Variants in RBPMS observed in about 807,000 individuals in gnomAD.
RBPMS encodes RNA binding protein, mRNA processing factor.
RBPMS carries 7 observed loss-of-function variants against 26.8 expected under a neutral mutation model. The observed-to-expected ratio is 0.26, with a 90% confidence interval of 0.15 to 0.49. The LOEUF (loss-of-function observed/expected upper bound fraction) is 0.49. Ranked by LOEUF, RBPMS falls within the 20% of genes least tolerant of loss-of-function variation. The probability of loss-of-function intolerance (pLI) is 0.98; values close to 1 mark genes in which losing one functional copy is unlikely to be tolerated. For synonymous variants in RBPMS, 96 were observed against 93.3 expected, an observed-to-expected ratio of 1.03 and a Z score of -0.17; for missense variants, 186 against 250.0, an observed-to-expected ratio of 0.74 and a Z score of 1.73.
At chr8:30,560,229 C>T (rs946065820) in intron 7 of RBPMS, among the ~76,000 whole-genome samples, 1 of 152,152 alleles carries the variant, frequency 6.6e-6, no homozygotes, top group African/African-American at 2.4e-5. Context: ...CCTTCAAGAT[C>T]TGGGAGGACT....
At chr8:30,447,054 C>G (rs1208881974) in intron 1 of RBPMS, 1 of 151,916 alleles carries the variant, frequency 6.6e-6, no homozygotes, top group Non-Finnish European at 1.5e-5. Flanking sequence ...TGTTGCATAC[C>G]AAAGGAATGT....
intron 1 of RBPMS, among the ~76,000 whole-genome samples, chr8:30,439,663 GTTTTT>G (rs1302320919): frequency 6.7e-6 from 1 of 149,790 alleles, no homozygotes; most frequent in East Asian, 1.9e-4. Context: ...CTTTTGTTTT[GTTTTT>G]GTTTTGAGAA....
At chr8:30,482,490 C>T (rs569679415) in intron 4 of RBPMS, among the ~76,000 whole-genome samples, 6 of 152,200 alleles carry the variant, frequency 3.9e-5, no homozygotes, top group Admixed American at 3.9e-4. Context: ...AGTCTTTTCT[C>T]AAAATGACTA....
At chr8:30,479,509 A>T in intron 4 of RBPMS, 132 bp downstream of exon 4, 1 of 732,804 alleles carries the variant, frequency 1.4e-6, no homozygotes, top group Non-Finnish European at 2.4e-6. Flanking sequence ...CATCAATTTA[A>T]TTAGCACTCT....
chr8:30,420,290 G>A (rs1265999837), intron 1 of RBPMS, among the ~76,000 whole-genome samples: 1 of 151,618 alleles, frequency 6.6e-6, no homozygotes, highest in African/African-American at 2.4e-5. Flanking sequence ...TCTGTGGATA[G>A]ATATTGTAAA....
Position 30,506,546 on chromosome 8 carries a change from G to T in RBPMS, c.397+2110G>T, listed in dbSNP as rs1821087426. ...CCGTCACATACAACTTGCTTACCTGGAAGCATACGGCAAGACTAAGAACAC... is the reference window on the plus strand; with the variant it reads ...CCGTCACATACAACTTGCTTACCTGTAAGCATACGGCAAGACTAAGAACAC... On this transcript the variant is annotated intron_variant, in intron 5 of 8. Coordinates refer to ENST00000397323, the MANE Select transcript of RBPMS (RefSeq NM_001008710.3). 2.6e-5 allele frequency among the ~76,000 whole-genome samples: 4 copies of T among 152,134 alleles called. No individual in the cohort carries two copies. The South Asian group carries it at 8.3e-4, about 32-fold the overall frequency.
intron 4 of RBPMS, among the ~76,000 whole-genome samples, chr8:30,497,906 T>G (rs967340848): frequency 4.6e-5 from 7 of 151,790 alleles, no homozygotes; most frequent in East Asian, 1.9e-4. Context: ...ACAGGCATGA[T>G]CCACCAAGCC....
At chr8:30,391,740 T>C (rs549917221) in intron 1 of RBPMS, among the ~76,000 whole-genome samples, 1 of 151,930 alleles carries the variant, frequency 6.6e-6, no homozygotes, top group Non-Finnish European at 1.5e-5. Flanking sequence ...AGGTGGGAGG[T>C]CCTTGATATT....
intron 1 of RBPMS, among the ~76,000 whole-genome samples, chr8:30,416,925 A>G (rs577453102): frequency 4.1e-4 from 62 of 152,252 alleles, no homozygotes; most frequent in African/African-American, 1.4e-3. Context: ...ATGCACCACT[A>G]TGCCCAGCTA....
chr8:30,480,031 A>G (rs750794814), intron 4 of RBPMS, among the ~76,000 whole-genome samples: 1 of 152,142 alleles, frequency 6.6e-6, no homozygotes, highest in Non-Finnish European at 1.5e-5. Context: ...ATGTTGAAAA[A>G]CTAAACAATT....
At chr8:30,420,596 T>C (rs971218536) in intron 1 of RBPMS, among the ~76,000 whole-genome samples, 5 of 152,210 alleles carry the variant, frequency 3.3e-5, no homozygotes, top group Admixed American at 6.5e-5. Context: ...AGTTGAAGTG[T>C]TTCTCAGTGG....
At chr8:30,516,143 G>A (rs1298767680) in intron 5 of RBPMS, among the ~76,000 whole-genome samples, 2 of 152,194 alleles carry the variant, frequency 1.3e-5, no homozygotes, top group African/African-American at 2.4e-5. Context: ...ACTTTGGGAG[G>A]CCGAGGAGGG....
intron 5 of RBPMS, among the ~76,000 whole-genome samples, chr8:30,523,497 G>C (rs1335635743): frequency 1.3e-5 from 2 of 151,126 alleles, no homozygotes; most frequent in African/African-American, 2.4e-5. Flanking sequence ...CTACATAATG[G>C]CATGTTGCAA....
intron 6 of RBPMS, chr8:30,549,379 A>T: frequency 1.2e-6 from 1 of 804,546 alleles, no homozygotes; most frequent in East Asian, 2.5e-5. Context: ...CCGGAAAACG[A>T]CAGCTTTGAA....
intron 1 of RBPMS, chr8:30,444,706 AAGAC>A (rs1813526348): frequency 6.6e-6 from 1 of 152,254 alleles, no homozygotes; most frequent in African/African-American, 2.4e-5. Context: ...AAGAACAAGA[AAGAC>A]AGAACAAAGA....
chr8:30,491,921 G>A (rs997452150), intron 4 of RBPMS, among the ~76,000 whole-genome samples: 11 of 151,454 alleles, frequency 7.3e-5, no homozygotes, highest in African/African-American at 2.2e-4. Flanking sequence ...ATGGAGTTTC[G>A]CTCTTGTCGC....
chr8:30,387,040 A>G (rs902315685), intron 1 of RBPMS: 8 of 152,076 alleles, frequency 5.3e-5, no homozygotes, highest in Non-Finnish European at 1.0e-4. Context: ...GTGTATAATA[A>G]TCGCTGTATA....
intron 1 of RBPMS, among the ~76,000 whole-genome samples, chr8:30,450,725 TAAC>T (rs1814463840): frequency 7.7e-6 from 1 of 130,226 alleles, no homozygotes; most frequent in African/African-American, 3.1e-5. Flanking sequence ...CAGTCTTTTA[TAAC>T]AACAGGTAAA....
intron 1 of RBPMS, among the ~76,000 whole-genome samples, chr8:30,412,404 C>G (rs1167641574): frequency 6.6e-6 from 1 of 152,090 alleles, no homozygotes. Context: ...ATGACTGTTC[C>G]CGGAATGGGC....
Sources: gnomAD v4.1 joint callset for allele counts (sites outside exome capture counted in the v4.1 genomes callset) on GRCh38, gnomAD v4.1.1 for gene constraint, MANE v1.5 for transcripts, NCBI Gene and HGNC (gene_info 2026-07-23, HGNC 2026-07-21) for gene names.